The following CNTNAP2 variants were observed in gnomAD, a reference collection of about 807,000 sequenced individuals.
CNTNAP2 encodes the protein contactin associated protein 2.
A neutral mutation model predicts 155.2 loss-of-function variants in CNTNAP2; 98 were observed. That is an observed-to-expected ratio of 0.63 (90% CI 0.54 to 0.75). The LOEUF (loss-of-function observed/expected upper bound fraction) is 0.75, where lower values mean the gene tolerates loss of function less well. CNTNAP2 is among the 30% of genes least tolerant of loss of function. The pLI, the probability that CNTNAP2 is intolerant of heterozygous loss-of-function variation, is 0.00. For missense variants in CNTNAP2, 1,727 were observed against 1,688.1 expected (o/e 1.02, Z -0.40); for synonymous variants, 651 against 631.2 (o/e 1.03, Z -0.47).
chr7:147,885,359 G>A (rs1799586228), intron 13 of CNTNAP2, among the ~76,000 whole-genome samples: 1 of 152,112 alleles, frequency 6.6e-6, no homozygotes, highest in Non-Finnish European at 1.5e-5. Flanking sequence ...TGTTTATGTG[G>A]AGTTGGTTCA....
intron 1 of CNTNAP2, among the ~76,000 whole-genome samples, chr7:146,564,653 G>T (rs1430524159): frequency 1.3e-5 from 2 of 150,346 alleles, no homozygotes; most frequent in Non-Finnish European, 3.0e-5. Flanking sequence ...CATATATTTA[G>T]AATAGCTTAC....
chr7:147,916,449 A>T (rs1396119579), intron 14 of CNTNAP2, among the ~76,000 whole-genome samples: 1 of 152,172 alleles, frequency 6.6e-6, no homozygotes, highest in African/African-American at 2.4e-5. Flanking sequence ...ATCAGGTGTG[A>T]TCCTGTCAAA....
At chr7:146,913,619 G>GCAAGCTT (rs1482742397) in intron 3 of CNTNAP2, among the ~76,000 whole-genome samples, 3 of 152,070 alleles carry the variant, frequency 2.0e-5, no homozygotes, top group Non-Finnish European at 4.4e-5. Flanking sequence ...GCTCAAAGAA[G>GCAAGCTT]CAAGCTTTCT....
chr7:146,470,602 G>A (rs998746400), intron 1 of CNTNAP2, among the ~76,000 whole-genome samples: 15 of 151,688 alleles, frequency 9.9e-5, no homozygotes, highest in Admixed American at 8.5e-4. Context: ...ACGGAATCTC[G>A]CTCTGTCACC....
intron 1 of CNTNAP2, among the ~76,000 whole-genome samples, chr7:146,118,239 C>T (rs2693302): frequency 0.067 from 10,128 of 151,942 alleles, 590 homozygotes; most frequent in African/African-American, 0.16. Flanking sequence ...TTTTCTTTTC[C>T]CACAATGTGT....
At chr7:146,435,643 A>G (rs1796232927) in intron 1 of CNTNAP2, among the ~76,000 whole-genome samples, 2 of 152,194 alleles carry the variant, frequency 1.3e-5, no homozygotes, top group South Asian at 4.1e-4. Context: ...CAGGCAGTAT[A>G]TTATATAGGC....
intron 13 of CNTNAP2, among the ~76,000 whole-genome samples, chr7:147,667,157 T>C (rs1186683674): frequency 6.6e-6 from 1 of 152,208 alleles, no homozygotes; most frequent in Non-Finnish European, 1.5e-5. Flanking sequence ...CATTACGTTA[T>C]GTGAAAGTAA....
intron 1 of CNTNAP2, among the ~76,000 whole-genome samples, chr7:146,227,443 A>G (rs1175256597): frequency 6.6e-6 from 1 of 151,440 alleles, no homozygotes; most frequent in Non-Finnish European, 1.5e-5. Context: ...AAAAAAAAAA[A>G]AAAAAAGAAA....
intron 1 of CNTNAP2, among the ~76,000 whole-genome samples, chr7:146,728,893 T>A (rs1329723168): frequency 6.6e-6 from 1 of 152,214 alleles, no homozygotes; most frequent in East Asian, 1.9e-4. Context: ...GTCGTCGTTC[T>A]CAGTGGAAAT....
intron 3 of CNTNAP2, among the ~76,000 whole-genome samples, chr7:147,005,551 A>T (rs1798509967): frequency 6.6e-6 from 1 of 152,098 alleles, no homozygotes; most frequent in South Asian, 2.1e-4. Context: ...GACATGGCTT[A>T]GAGATTAGGC....
rs150481429 is a variant in CNTNAP2 at position 147,478,993 on chromosome 7, G to A, written c.1671-6942G>A. ...GATACTTGAGCAAGAGCAGGGTGAC[G>A]ACAGGAAGAAAGGGGAAAGGGCTGT... On this transcript the variant is annotated intron_variant, in intron 10 of 23. Transcript: ENST00000361727. Among the ~76,000 whole-genome samples, 271 of 152,298 alleles carry A rather than the reference G, an allele frequency of 1.8e-3. 1 individual carries two copies. Among genetic ancestry groups the A allele is most frequent in the African/African-American group, 6.2e-3 (257 of 41,558 alleles).
intron 3 of CNTNAP2, among the ~76,000 whole-genome samples, chr7:146,987,452 G>C: frequency 6.6e-6 from 1 of 152,020 alleles, no homozygotes; most frequent in Non-Finnish European, 1.5e-5. Flanking sequence ...AGTATGTCAG[G>C]ATTCCTATAG....
rs116813961 is a variant in CNTNAP2, at chr7:146,654,759, T to A, written c.98-119512T>A. ...TTTGGCTTGTTATAGAAACAGTTATTTTAGGGATTTTTTGTACTTTTGAAG... is the reference window on the plus strand; with the variant it reads ...TTTGGCTTGTTATAGAAACAGTTATATTAGGGATTTTTTGTACTTTTGAAG... On this transcript the variant is annotated intron_variant, in intron 1 of 23. Coordinates refer to ENST00000361727, the MANE Select transcript of CNTNAP2 (RefSeq NM_014141.6). 5.5e-3 allele frequency among the ~76,000 whole-genome samples: 836 copies of A among 151,902 alleles called. 3 individuals are homozygous for A. The highest frequency in any genetic ancestry group is 0.018 in the African/African-American group (754 of 41,354).
intron 1 of CNTNAP2, among the ~76,000 whole-genome samples, chr7:146,503,044 C>T (rs778982258): frequency 3.3e-5 from 5 of 152,080 alleles, no homozygotes; most frequent in African/African-American, 9.7e-5. Context: ...ATTTTAAAAT[C>T]GGAGTTTTTT....
intron 1 of CNTNAP2, among the ~76,000 whole-genome samples, chr7:146,179,570 A>T (rs943699139): frequency 2.0e-5 from 3 of 152,130 alleles, no homozygotes; most frequent in Non-Finnish European, 4.4e-5. Flanking sequence ...GTTTTTCGAG[A>T]ATTATTAAAT....
chr7:146,930,011 C>G (rs1457100636), intron 3 of CNTNAP2, among the ~76,000 whole-genome samples: 1 of 152,180 alleles, frequency 6.6e-6, no homozygotes, highest in East Asian at 1.9e-4. Context: ...TTGGAAAACA[C>G]TCTGCAGGAT....
At chr7:146,566,113 G>A (rs1359481292) in intron 1 of CNTNAP2, among the ~76,000 whole-genome samples, 1 of 152,130 alleles carries the variant, frequency 6.6e-6, no homozygotes, top group East Asian at 1.9e-4. Flanking sequence ...TAGGCTCTGG[G>A]AGGTGAACAT....
chr7:147,678,534 C>A (rs916967926), intron 13 of CNTNAP2, among the ~76,000 whole-genome samples: 1 of 151,854 alleles, frequency 6.6e-6, no homozygotes, highest in Non-Finnish European at 1.5e-5. Context: ...AGACTTCTAA[C>A]TTTCAGGTAA....
At chr7:146,760,489 A>G (rs952607062) in intron 1 of CNTNAP2, among the ~76,000 whole-genome samples, 9 of 129,906 alleles carry the variant, frequency 6.9e-5, no homozygotes, top group Admixed American at 1.0e-4. Flanking sequence ...CAGTGGCATA[A>G]TCTCGACTCA....
Sources: gnomAD v4.1 joint callset for allele counts (sites outside exome capture counted in the v4.1 genomes callset) on GRCh38, gnomAD v4.1.1 for gene constraint, MANE v1.5 for transcripts, NCBI Gene and HGNC (gene_info 2026-07-23, HGNC 2026-07-21) for gene names.